The following KY variants were observed in gnomAD, a reference collection of about 807,000 sequenced individuals.
KY encodes the protein kyphoscoliosis peptidase.
KY carries 43 observed loss-of-function variants against 76.1 expected under a neutral mutation model. The ratio of observed to expected loss-of-function variants is 0.57; its 90% CI spans 0.44 to 0.73. KY has a LOEUF of 0.73. Ranked by LOEUF, KY falls within the 30% of genes least tolerant of loss-of-function variation. The pLI, the probability that KY is intolerant of heterozygous loss-of-function variation, is 0.00. For missense variants in KY, 722 were observed against 828.9 expected (o/e 0.87, Z 1.58); for synonymous variants, 277 against 326.2 (o/e 0.85, Z 1.63).
intron 1 of KY, among the ~76,000 whole-genome samples, chr3:134,648,702 CT>C (rs1966732916): frequency 6.6e-6 from 1 of 152,134 alleles, no homozygotes; most frequent in South Asian, 2.1e-4. Flanking sequence ...TCTTGTCCCC[CT>C]GACTCTTTTC....
At chr3:134,620,249 C>A (rs919556884) in intron 7 of KY, among the ~76,000 whole-genome samples, 2 of 152,196 alleles carry the variant, frequency 1.3e-5, no homozygotes, top group Admixed American at 1.3e-4. Context: ...CTCCAAGAAC[C>A]TTGGAGACTG....
intron 6 of KY, among the ~76,000 whole-genome samples, chr3:134,623,954 G>A (rs1963061696): frequency 6.6e-6 from 1 of 152,034 alleles, no homozygotes; most frequent in Admixed American, 6.5e-5. Flanking sequence ...AGCTCTTAAC[G>A]AAATCTGATG....
intron 3 of KY, among the ~76,000 whole-genome samples, chr3:134,631,687 A>G (rs947384071): frequency 2.0e-5 from 3 of 152,172 alleles, no homozygotes; most frequent in Admixed American, 2.0e-4. Context: ...AAGTACATAT[A>G]ATACATACAA....
chr3:134,623,499 G>A (rs987193215), intron 6 of KY, among the ~76,000 whole-genome samples: 6 of 151,918 alleles, frequency 3.9e-5, no homozygotes, highest in African/African-American at 7.2e-5. Context: ...CCTCCTTCTC[G>A]TATGTCCTCA....
chr3:134,618,635 A>G (rs1197858107), intron 8 of KY, among the ~76,000 whole-genome samples: 2 of 150,550 alleles, frequency 1.3e-5, no homozygotes, highest in Non-Finnish European at 2.9e-5. Context: ...CAACCTGGCC[A>G]TATGCCCACT....
At chr3:134,625,243 C>G in intron 5 of KY, 108 bp from the exon 6 acceptor site, 1 of 834,272 alleles carries the variant, frequency 1.2e-6, no homozygotes, top group Non-Finnish European at 2.0e-6. Flanking sequence ...ACCTTTAACA[C>G]AATTCTCAAA....
chr3:134,636,295 T>G (rs916004204), intron 3 of KY, among the ~76,000 whole-genome samples: 11 of 152,234 alleles, frequency 7.2e-5, no homozygotes, highest in African/African-American at 2.7e-4. Flanking sequence ...CTTGCTGTGC[T>G]TGATTGCAAA....
chr3:134,607,881 G>A (rs574060669), intron 10 of KY: 2 of 991,190 alleles, frequency 2.0e-6, no homozygotes, highest in Admixed American at 5.7e-5. Context: ...CCAGGCAGAG[G>A]TGCTGGAGCT....
chr3:134,607,468 C>T (rs368590015), intron 10 of KY: 4 of 985,748 alleles, frequency 4.1e-6, no homozygotes, highest in Middle Eastern at 5.2e-4. Context: ...GACCTCCTGT[C>T]CTGGGCGGAT....
At chr3:134,647,795 A>T (rs140371371) in intron 1 of KY, among the ~76,000 whole-genome samples, 9 of 152,334 alleles carry the variant, frequency 5.9e-5, no homozygotes, top group African/African-American at 1.2e-4. Context: ...CTGCATACAT[A>T]TGAAAGCATT....
Position 134,629,666 on chromosome 3 carries a change from G to C in KY, c.292C>G (p.Arg98Gly), listed in dbSNP as rs755018282. 1 of 1,599,052 alleles carries C rather than the reference G, an allele frequency of 6.3e-7. No individual in the cohort carries two copies. ...GTQLTVEVHP[R>G]DAMPQLLKKF... ...TTGAGCAGCTGGGGCATGGCATCTC[G>C]AGGGTGGACTTCCACAGTCAGTTGT... Residue 98 changes from arginine to glycine, a missense_variant, in exon 4 of 11, where the codon CGA becomes GGA. Coordinates refer to ENST00000423778, the MANE Select transcript of KY (RefSeq NM_178554.6).
In KY at chr3:134,632,308, G is replaced by A. The variant is rs114140937; in HGVS notation, c.263-2613C>T. Among the ~76,000 whole-genome samples the A allele has an allele frequency of 6.6e-3, 996 of 152,016 alleles. 11 individuals carry two copies. The Middle Eastern group carries it at 0.068, about 10-fold the overall frequency. ...AGATTCCATCTAATAACAGCACAAC[G>A]CACATTCATGTCAAATGCCCATTGA... On this transcript the variant is annotated intron_variant, in intron 3 of 10. Transcript: ENST00000423778.
In KY at chr3:134,604,131, C is replaced by T; in HGVS notation, c.1434G>A (p.Gly478=). 1.2e-6 allele frequency: 2 copies of T among 1,608,268 alleles called. No individual in the cohort carries two copies. The highest frequency in any genetic ancestry group is 1.1e-5 in the South Asian group (1 of 90,278). ...CCACGCTGAAGCTGATGGAGCAGCG[C>T]CCGTCGCTGGTGTGGATGATAGGGT... ...HPDPIIHTSD[G]RCSISFSVEE... Residue 478 remains glycine (G), a synonymous_variant, in exon 11 of 11, where the codon GGG becomes GGA. Coordinates refer to ENST00000423778, the MANE Select transcript of KY (RefSeq NM_178554.6).
Position 134,619,253 on chromosome 3 carries a change from G to A in KY, c.605C>T (p.Ala202Val). Residue 202 changes from alanine (A) to valine (V), a missense_variant, in exon 8 of 11, where the codon GCA becomes GTA. By Grantham distance (64) the Ala-to-Val change is moderately conservative (BLOSUM62 0). Transcript: ENST00000423778. ...TTGGCGGTCCTTCTCCTGAGCAGCT[G>A]CAATGTCATACTCTATAGGGCAGGT... The part of the protein sequence containing the change: ...WICHHIEYDI[A>V]AAQEKDRQAF... 1 of 1,613,722 alleles carries A rather than the reference G, an allele frequency of 6.2e-7. No individual in the cohort carries two copies. The highest frequency in any genetic ancestry group is 8.5e-7 in the Non-Finnish European group (1 of 1,179,616).
chr3:134,604,534 A>G, intron 10 of KY, 60 bp from the exon 11 acceptor site: 1 of 1,410,874 alleles, frequency 7.1e-7, no homozygotes, highest in Non-Finnish European at 9.7e-7. Flanking sequence ...TGTGCTGGTA[A>G]ATGTTTAACA....
chr3:134,603,394 C>A lies in KY; in HGVS notation c.*185G>T. The A allele has an allele frequency of 1.8e-6, 1 of 563,160 alleles. No homozygotes were observed. Among genetic ancestry groups the A allele is most frequent in the Non-Finnish European group, 3.1e-6 (1 of 324,226 alleles). The allele number at this position is 563,160 out of a possible 1,614,324, so 34.9% of individuals were successfully genotyped here. On this transcript the variant is annotated 3_prime_UTR_variant, in exon 11 of 11. Coordinates refer to ENST00000423778, the MANE Select transcript of KY (RefSeq NM_178554.6). The stretch of plus-strand genomic sequence containing the variant: ...CTCTGCCCCCTCAGTCACAGCCACA[C>A]CTGAGTGAAGCCTTCAGAACACAAA...
rs34290284 is a variant in KY, at chr3:134,603,324, T to C, written c.*255A>G. On this transcript the variant is annotated 3_prime_UTR_variant, in exon 11 of 11. Transcript: ENST00000423778. ...CTGGATGCAGGTGTACAGTTTACAA[T>C]ACCTTAGATTTACATAGCACCTTTT... 362 of 408,556 alleles carry C rather than the reference T, an allele frequency of 8.9e-4. No individual in the cohort carries two copies. The highest frequency in any genetic ancestry group is 1.3e-3 in the Non-Finnish European group (301 of 228,978). The allele number at this position is 408,556 out of a possible 1,614,324, so 25.3% of individuals were successfully genotyped here. A position where few individuals can be genotyped will look rare whatever the true frequency, so the allele number is the denominator to read the frequency against.
chr3:134,608,244 T>C lies in KY; in HGVS notation c.1090+405A>G, dbSNP rs1316472860. Reference sequence around the variant, plus strand: ...TGGGGACCTGAGCCCAGAGGCTATGTGTAGCCAGGGTGACGTAGTCCTTTT... The same window carrying C: ...TGGGGACCTGAGCCCAGAGGCTATGCGTAGCCAGGGTGACGTAGTCCTTTT... On this transcript the variant is annotated intron_variant, in intron 10 of 10. Coordinates refer to ENST00000423778, the MANE Select transcript of KY (RefSeq NM_178554.6). The C allele has an allele frequency of 3.4e-6, 4 of 1,193,008 alleles. No homozygotes were observed. In the Admixed American group the frequency reaches 1.4e-4, roughly 43 times the overall value. 73.9% of individuals were successfully genotyped at this position (1,193,008 alleles called of 1,614,324 possible).
At chr3:134,634,526 G>A (rs748473861) in intron 3 of KY, among the ~76,000 whole-genome samples, 1 of 152,196 alleles carries the variant, frequency 6.6e-6, no homozygotes, top group Non-Finnish European at 1.5e-5. Context: ...TACTATAAAA[G>A]AGATTTTGGA....
Sources: gnomAD v4.1 joint callset for allele counts (sites outside exome capture counted in the v4.1 genomes callset) on GRCh38, gnomAD v4.1.1 for gene constraint, MANE v1.5 for transcripts, NCBI Gene and HGNC (gene_info 2026-07-23, HGNC 2026-07-21) for gene names.